Variants in DNER observed in about 807,000 individuals in gnomAD.
The protein encoded by DNER is delta/notch like EGF repeat containing.
DNER carries 33 observed loss-of-function variants against 78.2 expected under a neutral mutation model. That is an observed-to-expected ratio of 0.42 (90% CI 0.32 to 0.56). The LOEUF is 0.56. Among genes scored for constraint, DNER ranks in the 20% least tolerant of loss-of-function variants. The pLI, the probability that DNER is intolerant of heterozygous loss-of-function variation, is 0.11. For synonymous variants in DNER, 417 were observed against 384.8 expected (o/e 1.08, Z -0.98); for missense variants, 918 against 975.3 (o/e 0.94, Z 0.78).
At chr2:229,396,827 A>T (rs1359542621) in intron 10 of DNER, among the ~76,000 whole-genome samples, 1 of 152,172 alleles carries the variant, frequency 6.6e-6, no homozygotes, top group Non-Finnish European at 1.5e-5. Flanking sequence ...CAAAGGGGAA[A>T]ATTATGCCAG....
chr2:229,451,400 T>C (rs1007177848), intron 7 of DNER, among the ~76,000 whole-genome samples: 18 of 152,280 alleles, frequency 1.2e-4, no homozygotes, highest in African/African-American at 4.3e-4. Context: ...GAGGATGCAG[T>C]GAGCCGAGAT....
chr2:229,423,602 G>A (rs1353814464), intron 8 of DNER, among the ~76,000 whole-genome samples: 13 of 142,754 alleles, frequency 9.1e-5, no homozygotes, highest in Admixed American at 1.4e-4. Flanking sequence ...GAGATAGAGC[G>A]AGACTACATC....
chr2:229,697,459 A>G (rs898679674), intron 1 of DNER, among the ~76,000 whole-genome samples: 2 of 152,260 alleles, frequency 1.3e-5, no homozygotes, highest in Non-Finnish European at 2.9e-5. Context: ...GGTTCCCTTT[A>G]AAATGGTTAC....
At chr2:229,707,831 C>T (rs1431319692) in intron 1 of DNER, among the ~76,000 whole-genome samples, 1 of 152,244 alleles carries the variant, frequency 6.6e-6, no homozygotes, top group Admixed American at 6.5e-5. Flanking sequence ...TCTTTGCACT[C>T]ACTGGGTGAG....
intron 1 of DNER, among the ~76,000 whole-genome samples, chr2:229,691,374 C>A (rs1699568761): frequency 6.6e-6 from 1 of 152,084 alleles, no homozygotes; most frequent in African/African-American, 2.4e-5. Context: ...CTGGTTCACT[C>A]TTAATGGAAA....
At chr2:229,700,995 G>C (rs954781687) in intron 1 of DNER, among the ~76,000 whole-genome samples, 1 of 152,066 alleles carries the variant, frequency 6.6e-6, no homozygotes, top group South Asian at 2.1e-4. Context: ...AAAATAGTTT[G>C]CATGCATATA....
intron 6 of DNER, among the ~76,000 whole-genome samples, chr2:229,500,847 C>A (rs570437394): frequency 1.2e-4 from 19 of 152,076 alleles, no homozygotes; most frequent in African/African-American, 4.3e-4. Flanking sequence ...TCTCTCACCC[C>A]CCTCCCGCCC....
intron 1 of DNER, among the ~76,000 whole-genome samples, chr2:229,628,145 A>C (rs779406938): frequency 1.2e-4 from 18 of 152,130 alleles, no homozygotes; most frequent in South Asian, 4.1e-4. Context: ...GCTATCCAAA[A>C]ACCACCATGC....
chr2:229,666,757 A>G (rs1699099040), intron 1 of DNER, among the ~76,000 whole-genome samples: 1 of 152,214 alleles, frequency 6.6e-6, no homozygotes, highest in Admixed American at 6.5e-5. Context: ...TATTAGCCTC[A>G]TTCAATTAAT....
chr2:229,434,072 A>T (rs1694071085), intron 8 of DNER, among the ~76,000 whole-genome samples: 2 of 152,238 alleles, frequency 1.3e-5, no homozygotes, highest in Admixed American at 1.3e-4. Flanking sequence ...GGCCTCATAG[A>T]TACATAGTTT....
chr2:229,481,017 G>A lies in DNER; in HGVS notation c.1148-3764C>T, dbSNP rs534677438. Among the ~76,000 whole-genome samples the A allele has an allele frequency of 9.2e-5, 14 of 152,274 alleles. No individual in the cohort carries two copies. The East Asian group carries it at 1.9e-3, about 21-fold the overall frequency. ...AGCAGGGAGGCAGGGGTGAGATCAC[G>A]GGATTATAGGACCACTGAGCATTCT... is the stretch of plus-strand genomic sequence containing the variant. On this transcript the variant is annotated intron_variant, in intron 6 of 12. Transcript: ENST00000341772.
intron 4 of DNER, among the ~76,000 whole-genome samples, chr2:229,560,000 C>G (rs1696925834): frequency 6.6e-6 from 1 of 152,196 alleles, no homozygotes; most frequent in Non-Finnish European, 1.5e-5. Context: ...GCTCACCTCC[C>G]TTGGTGCAAA....
chr2:229,629,442 A>T (rs984194285), intron 1 of DNER, among the ~76,000 whole-genome samples: 6 of 152,104 alleles, frequency 3.9e-5, no homozygotes, highest in African/African-American at 1.4e-4. Context: ...CTATGTGGAG[A>T]CCTCATTGGG....
At chr2:229,369,470 T>A (rs896004809) in intron 11 of DNER, among the ~76,000 whole-genome samples, 2 of 151,830 alleles carry the variant, frequency 1.3e-5, no homozygotes, top group Non-Finnish European at 2.9e-5. Flanking sequence ...AAGTTTCAAC[T>A]TTCTAAAAAG....
chr2:229,486,681 CTAGGTG>C (rs1245781281), intron 6 of DNER, among the ~76,000 whole-genome samples: 8 of 152,168 alleles, frequency 5.3e-5, no homozygotes, highest in African/African-American at 1.9e-4. Context: ...TTGGCATGTC[CTAGGTG>C]GCTCAATATT....
chr2:229,688,972 C>A (rs1311382331), intron 1 of DNER, among the ~76,000 whole-genome samples: 1 of 152,116 alleles, frequency 6.6e-6, no homozygotes, highest in Non-Finnish European at 1.5e-5. Flanking sequence ...GGGAACAACA[C>A]ACAATGGGGC....
intron 4 of DNER, among the ~76,000 whole-genome samples, chr2:229,561,853 G>A (rs917599222): frequency 6.6e-6 from 1 of 152,046 alleles, no homozygotes; most frequent in African/African-American, 2.4e-5. Flanking sequence ...CTGTGAACTG[G>A]GCCACGCAGC....
intron 11 of DNER, among the ~76,000 whole-genome samples, chr2:229,373,482 G>T (rs146591413): frequency 6.6e-6 from 1 of 152,256 alleles, no homozygotes; most frequent in East Asian, 1.9e-4. Context: ...AGGGAACACG[G>T]TGTTGGTGGA....
chr2:229,548,759 A>G (rs1696671554), intron 4 of DNER, among the ~76,000 whole-genome samples: 1 of 152,178 alleles, frequency 6.6e-6, no homozygotes, highest in Non-Finnish European at 1.5e-5. Flanking sequence ...TATATAAAAA[A>G]CAAACAAACA....
Sources: allele counts gnomAD v4.1 joint callset (sites outside exome capture counted in the v4.1 genomes callset), GRCh38; gene constraint gnomAD v4.1.1; transcripts MANE v1.5; gene names NCBI Gene and HGNC (gene_info 2026-07-23, HGNC 2026-07-21).